The following BCAS1 variants were observed in gnomAD, a reference collection of about 807,000 sequenced individuals.
BCAS1 encodes brain enriched myelin associated protein 1.
Under a neutral mutation model 65.4 loss-of-function variants are expected in BCAS1, and 46 were observed. The observed-to-expected ratio is 0.70, with a 90% CI of 0.55 to 0.90. The LOEUF (loss-of-function observed/expected upper bound fraction) is 0.90. Among genes scored for constraint, BCAS1 ranks in the 40% least tolerant of loss-of-function variants. The pLI is 0.00. For missense variants in BCAS1, 793 were observed against 771.2 expected, an observed-to-expected ratio of 1.03 and a Z score of -0.33; for synonymous variants, 298 against 293.5, an observed-to-expected ratio of 1.02 and a Z score of -0.16.
intron 5 of BCAS1, 79 bp from the exon 6 acceptor site, chr20:53,995,135 T>C (rs2090872307): frequency 1.5e-6 from 2 of 1,303,622 alleles, no homozygotes; most frequent in Admixed American, 1.7e-5. Flanking sequence ...AATAACTCTT[T>C]AGGGTGGTCC....
chr20:54,068,584 T>C (rs1045917142), intron 1 of BCAS1: 3 of 152,294 alleles, frequency 2.0e-5, no homozygotes, highest in Non-Finnish European at 2.9e-5. Context: ...ATTCCCTGAT[T>C]GCACAGATAA....
chr20:54,024,820 G>A (rs1306749770), intron 4 of BCAS1, among the ~76,000 whole-genome samples: 1 of 151,888 alleles, frequency 6.6e-6, no homozygotes, highest in Non-Finnish European at 1.5e-5. Context: ...CAGCCAGGGT[G>A]ATGGTAGGGA....
intron 4 of BCAS1, among the ~76,000 whole-genome samples, chr20:54,014,823 G>T (rs2091399517): frequency 6.6e-6 from 1 of 152,100 alleles, no homozygotes; most frequent in African/African-American, 2.4e-5. Flanking sequence ...AATAGTCTCT[G>T]GACAATCACG....
intron 1 of BCAS1, among the ~76,000 whole-genome samples, chr20:54,059,247 AT>A (rs1380459840): frequency 2.6e-5 from 4 of 152,158 alleles, no homozygotes; most frequent in African/African-American, 9.7e-5. Context: ...TAGAAAGGAG[AT>A]TTTGGACTCA....
rs1159772238 is a variant in BCAS1, at chr20:53,954,336, G to GAGAGAGAGAGAGA, written c.1552-642_1552-641insTCTCTCTCTCTCT. 6.9e-3 allele frequency among the ~76,000 whole-genome samples: 583 copies of GAGAGAGAGAGAGA among 83,956 alleles called. 13 individuals carry two copies. The highest frequency in any genetic ancestry group is 0.018 in the African/African-American group (415 of 22,466). 55.1% of individuals were successfully genotyped at this position (83,956 alleles called of 152,430 possible). A position where few individuals can be genotyped will look rare whatever the true frequency, so the allele number is the denominator to read the frequency against. ...GAGAGAGAGAGAGAGAGAGAGAGAG[G>GAGAGAGAGAGAGA]GACCAGGCATTGATGGTATCATGCG... On this transcript the variant is annotated intron_variant, in intron 11 of 12. Transcript: ENST00000688948.
chr20:53,949,684 C>G (rs1269221535), intron 12 of BCAS1, among the ~76,000 whole-genome samples: 2 of 152,190 alleles, frequency 1.3e-5, no homozygotes, highest in Non-Finnish European at 2.9e-5. Flanking sequence ...TGGGACGATG[C>G]AGGACTTGGG....
intron 4 of BCAS1, among the ~76,000 whole-genome samples, chr20:54,019,921 T>C (rs999577617): frequency 1.3e-5 from 2 of 152,204 alleles, no homozygotes; most frequent in African/African-American, 4.8e-5. Context: ...ACTGGCTTCC[T>C]ACCTCCTCAG....
intron 4 of BCAS1, among the ~76,000 whole-genome samples, chr20:54,016,581 T>C (rs1191908412): frequency 6.6e-6 from 1 of 152,244 alleles, no homozygotes; most frequent in Non-Finnish European, 1.5e-5. Flanking sequence ...AAAGCATGTG[T>C]GTTTGAAGAC....
At chr20:53,999,955 C>G (rs575233666) in intron 4 of BCAS1, among the ~76,000 whole-genome samples, 1 of 152,292 alleles carries the variant, frequency 6.6e-6, no homozygotes, top group South Asian at 2.1e-4. Flanking sequence ...GTCTTGAACT[C>G]CTGACCTCAG....
At chr20:53,949,633 C>A (rs1362379721) in intron 12 of BCAS1, among the ~76,000 whole-genome samples, 1 of 152,178 alleles carries the variant, frequency 6.6e-6, no homozygotes, top group African/African-American at 2.4e-5. Context: ...GGCAGGGAAG[C>A]CCCCCTCCGT....
chr20:54,052,232 AG>A (rs1280279876), intron 3 of BCAS1, among the ~76,000 whole-genome samples: 2 of 152,154 alleles, frequency 1.3e-5, no homozygotes, highest in Non-Finnish European at 1.5e-5. Flanking sequence ...ATCATTGCAA[AG>A]TTTCTCGATG....
intron 1 of BCAS1, among the ~76,000 whole-genome samples, chr20:54,068,858 A>T (rs290449): frequency 0.5 from 75,787 of 151,852 alleles, 20,591 homozygotes; most frequent in East Asian, 0.6. Flanking sequence ...TGAGCCTGCA[A>T]GGTGCAAAGG....
intron 9 of BCAS1, among the ~76,000 whole-genome samples, chr20:53,968,698 A>G (rs1444914023): frequency 6.6e-6 from 1 of 152,252 alleles, no homozygotes; most frequent in African/African-American, 2.4e-5. Flanking sequence ...TACAAACTCA[A>G]AAGTCCTCAG....
At chr20:54,068,682 G>A (rs1392541308) in intron 1 of BCAS1, among the ~76,000 whole-genome samples, 1 of 152,144 alleles carries the variant, frequency 6.6e-6, no homozygotes, top group Non-Finnish European at 1.5e-5. Flanking sequence ...ACTTGCCCAA[G>A]AGTAGCAGTC....
At chr20:54,065,591 G>C (rs1194994196) in intron 1 of BCAS1, among the ~76,000 whole-genome samples, 1 of 152,218 alleles carries the variant, frequency 6.6e-6, no homozygotes, top group Admixed American at 6.5e-5. Context: ...CGCTAGTGCT[G>C]ATATTGAGGG....
In BCAS1 at chr20:54,028,775, A is replaced by T. The variant is rs760546358; in HGVS notation, c.340T>A (p.Ser114Thr). Reference protein sequence around the residue: ...PGRTGDQAADSSLGSVKLDVS... With the variant: ...PGRTGDQAADTSLGSVKLDVS... Reference sequence around the variant, plus strand: ...TCAAGCTTCACTGATCCAAGGGATGAATCTGCGGCTTGGTCTCCGGTACGT... The same window carrying T: ...TCAAGCTTCACTGATCCAAGGGATGTATCTGCGGCTTGGTCTCCGGTACGT... The change falls in exon 4 of 13, where the codon TCA (serine) becomes ACA (threonine). Residue 114 changes from serine (S) to threonine (T), a missense_variant. Ser to Thr is a moderately conservative substitution (Grantham distance 58). Coordinates refer to ENST00000688948, the MANE Select transcript of BCAS1 (RefSeq NM_001366298.2). 6.2e-7 allele frequency: 1 copy of T among 1,614,182 alleles called. No individual in the cohort carries two copies. The highest frequency in any genetic ancestry group is 1.1e-5 in the South Asian group (1 of 91,082).
chr20:54,058,267 A>T lies in BCAS1; in HGVS notation c.73-113T>A, dbSNP rs2092327355. ...CTCACAAAAAATTAAACTTAACTTA[A>T]AGGCTGTGTTTCTAGAAACTCCCCA... is the stretch of plus-strand genomic sequence containing the variant. On this transcript the variant is annotated intron_variant, in intron 2 of 12. Transcript: ENST00000688948. The T allele has an allele frequency of 6.1e-6, 6 of 982,356 alleles. No individual in the cohort carries two copies. In the Admixed American group the frequency reaches 8.4e-5, roughly 14 times the overall value. 60.9% of individuals were successfully genotyped at this position (982,356 alleles called of 1,614,324 possible). A position where few individuals can be genotyped will look rare whatever the true frequency, so the allele number is the denominator to read the frequency against.
At chr20:54,029,344 G>T in intron 3 of BCAS1, 1 of 562,188 alleles carries the variant, frequency 1.8e-6, no homozygotes, top group Non-Finnish European at 2.3e-6. Context: ...TCTGGAGCTA[G>T]AACAAGGTTT....
Position 53,967,557 on chromosome 20 carries a change from A to G in BCAS1, c.1318-484T>C, listed in dbSNP as rs1467116205. 4.6e-5 allele frequency among the ~76,000 whole-genome samples: 7 copies of G among 152,360 alleles called. No homozygotes were observed. The East Asian group carries it at 1.3e-3, about 29-fold the overall frequency. ...TCCTCTTTGTAGAAAGGAGAGTGTA[A>G]AAACCACTGAATTTAATTGACTTCC... is the stretch of plus-strand genomic sequence containing the variant. On this transcript the variant is annotated intron_variant, in intron 9 of 12. Coordinates refer to ENST00000688948, the MANE Select transcript of BCAS1 (RefSeq NM_001366298.2).
Sources: gnomAD v4.1 joint callset for allele counts (sites outside exome capture counted in the v4.1 genomes callset) on GRCh38, gnomAD v4.1.1 for gene constraint, MANE v1.5 for transcripts, NCBI Gene and HGNC (gene_info 2026-07-23, HGNC 2026-07-21) for gene names.